KIFBP: variants seen among roughly 807,000 people sequenced by gnomAD.
The protein encoded by KIFBP is kinesin family binding protein.
A neutral mutation model predicts 58.9 loss-of-function variants in KIFBP; 46 were observed. The observed-to-expected ratio is 0.78, with a 90% CI of 0.62 to 1.00. The LOEUF (loss-of-function observed/expected upper bound fraction) is 1.00. Ranked by LOEUF, KIFBP falls within the 50% of genes least tolerant of loss-of-function variation. The probability of loss-of-function intolerance (pLI) is 0.00; values close to 1 mark genes in which losing one functional copy is unlikely to be tolerated. For synonymous variants in KIFBP, 241 were observed against 283.4 expected (o/e 0.85, Z 1.50); for missense variants, 651 against 752.9 (o/e 0.86, Z 1.58).
rs906050638 is a variant in KIFBP, at chr10:69,016,195, C to T, written c.1645C>T (p.Arg549Ter). The change falls in exon 7 of 7, where the codon CGA becomes TGA. Residue 549 changes from arginine to a stop codon, truncating the protein, a stop_gained. Coordinates refer to ENST00000361983, the MANE Select transcript of KIFBP (RefSeq NM_015634.4). LOFTEE classifies it high-confidence loss of function. ...TCGCCCTGCCATGTTAGCTAAGTTT[C>T]GAGTTGCCCGTCTCTATGGCAAAAT... is the stretch of plus-strand genomic sequence containing the variant. ...VLRPAMLAKF[R>*]VARLYGKIIT... 3 of 1,613,274 alleles carry T rather than the reference C, an allele frequency of 1.9e-6. No homozygotes were observed. Among genetic ancestry groups the T allele is most frequent in the African/African-American group, 1.3e-5 (1 of 74,978 alleles).
At chr10:69,008,970 T>G in intron 5 of KIFBP, 45 bp downstream of exon 5, 2 of 1,488,170 alleles carry the variant, frequency 1.3e-6, no homozygotes, top group Non-Finnish European at 1.9e-6. Flanking sequence ...AAAAAAAGTT[T>G]TATTTTGAAA....
At chr10:69,004,625 G>A (rs192160486) in intron 2 of KIFBP, among the ~76,000 whole-genome samples, 24 of 152,268 alleles carry the variant, frequency 1.6e-4, no homozygotes, top group African/African-American at 5.3e-4. Flanking sequence ...CACTTTGGGA[G>A]GCCAAGGCAG....
intron 6 of KIFBP, among the ~76,000 whole-genome samples, chr10:69,015,052 A>G (rs2132119207): frequency 6.6e-6 from 1 of 152,266 alleles, no homozygotes; most frequent in Non-Finnish European, 1.5e-5. Context: ...CCTCTCAAGT[A>G]GCTGGGATTA....
chr10:69,005,693 A>T, intron 3 of KIFBP, 39 bp from the exon 4 acceptor site: 1 of 1,476,316 alleles, frequency 6.8e-7, no homozygotes. Context: ...AAAAACAAGT[A>T]AACCATTACA....
intron 1 of KIFBP, 132 bp downstream of exon 1, chr10:68,989,390 C>T (rs1440114256): frequency 1.0e-6 from 1 of 992,312 alleles, no homozygotes; most frequent in East Asian, 2.6e-5. Flanking sequence ...TGGACTGAGT[C>T]CCAAAGAGCG....
intron 1 of KIFBP, among the ~76,000 whole-genome samples, chr10:68,999,482 A>G (rs527760182): frequency 4.0e-5 from 6 of 151,716 alleles, no homozygotes; most frequent in East Asian, 1.9e-4. Flanking sequence ...ATCTTTGTCT[A>G]TTATCTCAGA....
intron 2 of KIFBP, among the ~76,000 whole-genome samples, chr10:69,004,529 G>T (rs971055451): frequency 6.6e-6 from 1 of 152,012 alleles, no homozygotes; most frequent in Non-Finnish European, 1.5e-5. Flanking sequence ...AAATAAAAGG[G>T]TATCTTTTAT....
intron 4 of KIFBP, among the ~76,000 whole-genome samples, chr10:69,007,922 G>A (rs772118544): frequency 1.3e-5 from 2 of 152,094 alleles, no homozygotes; most frequent in African/African-American, 4.8e-5. Flanking sequence ...TGCCATGCCC[G>A]GAATTGAATT....
intron 1 of KIFBP, chr10:68,995,130 C>T (rs1441051454): frequency 1.3e-5 from 2 of 152,064 alleles, no homozygotes; most frequent in African/African-American, 2.4e-5. Flanking sequence ...GCCATCCTCC[C>T]ACCTCAGCCT....
At chr10:68,997,224 G>T (rs1843416524) in intron 1 of KIFBP, among the ~76,000 whole-genome samples, 1 of 152,060 alleles carries the variant, frequency 6.6e-6, no homozygotes, top group South Asian at 2.1e-4. Flanking sequence ...AGTAATAGAG[G>T]CTTGACATAA....
In KIFBP at chr10:68,989,151, G is replaced by T. The variant is rs745948039; in HGVS notation, c.319G>T (p.Asp107Tyr). The stretch of plus-strand genomic sequence containing the variant: ...GTTCCACCTCGGGGTGAACCACATC[G>T]ACACGGAGGAGCTGTCGGCGGGGGA... ...IEFHLGVNHI[D>Y]TEELSAGEEH... Residue 107 changes from aspartate to tyrosine, a missense_variant, in exon 1 of 7, where the codon GAC becomes TAC. By Grantham distance (160) the Asp-to-Tyr change is radical (BLOSUM62 -3). Coordinates refer to ENST00000361983, the MANE Select transcript of KIFBP (RefSeq NM_015634.4). 1.2e-6 allele frequency: 2 copies of T among 1,613,198 alleles called. No homozygotes were observed. The highest frequency in any genetic ancestry group is 1.1e-5 in the South Asian group (1 of 90,980).
intron 1 of KIFBP, among the ~76,000 whole-genome samples, chr10:68,990,964 G>A (rs1843337724): frequency 6.6e-6 from 1 of 152,016 alleles, no homozygotes; most frequent in African/African-American, 2.4e-5. Context: ...AAGACTATAA[G>A]CCATATTTAG....
intron 1 of KIFBP, 39 bp downstream of exon 1, chr10:68,989,297 AT>A (rs753214968): frequency 2.2e-5 from 36 of 1,602,508 alleles, no homozygotes; most frequent in Non-Finnish European, 2.8e-5. Flanking sequence ...CTGTTGGCAA[AT>A]GGCGAGGGAT....
rs1205908516 is a variant in KIFBP at position 68,988,958 on chromosome 10, A to G, written c.126A>G (p.Leu42=). The G allele has an allele frequency of 1.2e-6, 2 of 1,614,240 alleles. No homozygotes were observed. Among genetic ancestry groups the G allele is most frequent in the African/African-American group, 1.3e-5 (1 of 75,072 alleles). Residue 42 remains leucine, a synonymous_variant, in exon 1 of 7, where the codon CTA becomes CTG. Transcript: ENST00000361983. ...AGTCCAAATACAGCGCCCGGGCGCTACTGGAAGAGGTCAAGGCGCTGCTCG... is the reference window on the plus strand; with the variant it reads ...AGTCCAAATACAGCGCCCGGGCGCTGCTGGAAGAGGTCAAGGCGCTGCTCG... The part of the protein sequence containing the change: ...PYKSKYSARA[L]LEEVKALLGP...
In KIFBP at chr10:69,015,382, AAG is replaced by A. The variant is rs1838983675; in HGVS notation, c.991-157_991-156del. On this transcript the variant is annotated intron_variant, in intron 6 of 6. Coordinates refer to ENST00000361983, the MANE Select transcript of KIFBP (RefSeq NM_015634.4). ...GTTTTTAATATAATCGGAAGAAAGA[AAG>A]AAGTTTTCAAAGGTGTTTAAGATTA... The A allele has an allele frequency of 4.9e-6, 3 of 617,924 alleles. No homozygotes were observed. The South Asian group carries it at 7.0e-5, about 14-fold the overall frequency. The allele number at this position is 617,924 out of a possible 1,614,324, so 38.3% of individuals were successfully genotyped here. A position where few individuals can be genotyped will look rare whatever the true frequency, so the allele number is the denominator to read the frequency against.
At chr10:69,004,151 C>T (rs1410931439) in intron 2 of KIFBP, among the ~76,000 whole-genome samples, 4 of 138,006 alleles carry the variant, frequency 2.9e-5, no homozygotes, top group East Asian at 4.6e-4. Context: ...ACCCGGGAGG[C>T]GGAGGTTGCA....
In KIFBP at chr10:69,005,718, T is replaced by C. The variant is rs377522152; in HGVS notation, c.606-14T>C. On this transcript the variant is annotated splice_polypyrimidine_tract_variant and intron_variant, in intron 3 of 6. Transcript: ENST00000361983. Reference sequence around the variant, plus strand: ...AAACCATTACACAAATATTGGTTTATTTTTTCTTTACAGATTTGAAAAGGT... The same window carrying C: ...AAACCATTACACAAATATTGGTTTACTTTTTCTTTACAGATTTGAAAAGGT... 4.5e-5 allele frequency: 72 copies of C among 1,582,496 alleles called. No individual in the cohort carries two copies. In the African/African-American group the frequency reaches 9.2e-4, roughly 20 times the overall value.
intron 3 of KIFBP, 70 bp from the exon 4 acceptor site, chr10:69,005,662 G>A: frequency 8.2e-7 from 1 of 1,213,848 alleles, no homozygotes. Context: ...AACAGAGCGA[G>A]ACTCTGTCTC....
At chr10:69,005,342 G>T (rs1843521257) in intron 3 of KIFBP, among the ~76,000 whole-genome samples, 1 of 152,138 alleles carries the variant, frequency 6.6e-6, no homozygotes, top group African/African-American at 2.4e-5. Context: ...CAAAGGGTTG[G>T]TGGGATAATC....
Sources: gnomAD v4.1 joint callset for allele counts (sites outside exome capture counted in the v4.1 genomes callset) on GRCh38, gnomAD v4.1.1 for gene constraint, MANE v1.5 for transcripts, NCBI Gene and HGNC (gene_info 2026-07-23, HGNC 2026-07-21) for gene names.